PALLD: variants seen among roughly 807,000 people sequenced by gnomAD.
PALLD encodes palladin, cytoskeletal associated protein.
In PALLD, 61 loss-of-function variants were observed where a neutral mutation model predicts 123.5. That is an observed-to-expected ratio of 0.49 (90% CI 0.40 to 0.61). PALLD has a LOEUF of 0.61. Among genes scored for constraint, PALLD ranks in the 20% least tolerant of loss-of-function variants. PALLD has a pLI of 0.00. For missense variants in PALLD, 1,273 were observed against 1,377.0 expected (o/e 0.92, Z 1.20); for synonymous variants, 465 against 496.4 (o/e 0.94, Z 0.84).
intron 19 of PALLD, 112 bp from the exon 20 acceptor site, chr4:168,924,833 T>TA: frequency 9.5e-7 from 1 of 1,050,616 alleles, no homozygotes; most frequent in South Asian, 1.3e-5. Flanking sequence ...ATGACCCTAT[T>TA]ATCAGCTACT....
intron 4 of PALLD, among the ~76,000 whole-genome samples, chr4:168,682,539 A>G (rs1781646110): frequency 1.3e-5 from 2 of 152,216 alleles, no homozygotes; most frequent in South Asian, 4.1e-4. Context: ...ACAAAATTAG[A>G]AACCAGAAAA....
intron 2 of PALLD, among the ~76,000 whole-genome samples, chr4:168,639,826 G>A (rs866952969): frequency 6.6e-6 from 1 of 152,140 alleles, no homozygotes; most frequent in Non-Finnish European, 1.5e-5. Context: ...TTATAGGCGT[G>A]AGCCACCGTG....
intron 10 of PALLD, among the ~76,000 whole-genome samples, chr4:168,784,842 C>G (rs1736456141): frequency 1.3e-5 from 2 of 152,012 alleles, no homozygotes; most frequent in African/African-American, 4.8e-5. Flanking sequence ...CTTGAGCAGA[C>G]TCTGCAGAGC....
At chr4:168,596,815 G>A (rs1772032560) in intron 2 of PALLD, among the ~76,000 whole-genome samples, 1 of 151,506 alleles carries the variant, frequency 6.6e-6, no homozygotes, top group South Asian at 2.1e-4. Context: ...CTTGGAGAAA[G>A]TAAGCCAAAA....
chr4:168,849,559 G>T (rs189054852), intron 10 of PALLD, among the ~76,000 whole-genome samples: 1 of 152,126 alleles, frequency 6.6e-6, no homozygotes, highest in Non-Finnish European at 1.5e-5. Context: ...TTGAATTCTC[G>T]ACTAGACTTT....
chr4:168,897,098 T>A lies in PALLD; in HGVS notation c.2250+499T>A, dbSNP rs116012674. On this transcript the variant is annotated intron_variant, in intron 13 of 21. Transcript: ENST00000505667. ...CACCCGCCTTGGCTTCCCAAAGCGC[T>A]GGGAATACGGCATGAGCCACAGTGC... Among the ~76,000 whole-genome samples the A allele has an allele frequency of 7.5e-3, 1,139 of 152,352 alleles. 17 individuals carry two copies. The highest frequency in any genetic ancestry group is 0.026 in the African/African-American group (1,063 of 41,574).
At chr4:168,705,293 G>A (rs1052043605) in intron 8 of PALLD, among the ~76,000 whole-genome samples, 1 of 152,158 alleles carries the variant, frequency 6.6e-6, no homozygotes, top group Non-Finnish European at 1.5e-5. Flanking sequence ...TCAAAGGCAG[G>A]AACCATTAAT....
chr4:168,800,150 T>G (rs1257103447), intron 10 of PALLD, among the ~76,000 whole-genome samples: 2 of 152,232 alleles, frequency 1.3e-5, no homozygotes, highest in Non-Finnish European at 2.9e-5. Context: ...TGCTAACTTT[T>G]ATGCTTCTGT....
chr4:168,634,256 A>G (rs1776115911), intron 2 of PALLD, among the ~76,000 whole-genome samples: 1 of 152,198 alleles, frequency 6.6e-6, no homozygotes, highest in Non-Finnish European at 1.5e-5. Flanking sequence ...ATAAAATGTA[A>G]TGACATAAAC....
chr4:168,824,422 C>T (rs1394440833), intron 10 of PALLD, among the ~76,000 whole-genome samples: 1 of 152,012 alleles, frequency 6.6e-6, no homozygotes, highest in Non-Finnish European at 1.5e-5. Flanking sequence ...AAAGAAATAG[C>T]CATTGGAAAA....
At chr4:168,863,876 T>C (rs1749874604) in intron 10 of PALLD, 1 of 152,186 alleles carries the variant, frequency 6.6e-6, no homozygotes, top group African/African-American at 2.4e-5. Context: ...ACAAAAATAC[T>C]TACTAATCTT....
chr4:168,662,224 C>T (rs543511753), intron 2 of PALLD, among the ~76,000 whole-genome samples: 4 of 152,118 alleles, frequency 2.6e-5, no homozygotes, highest in South Asian at 2.1e-4. Context: ...AATAAATGTC[C>T]GAGGGGGTTC....
At chr4:168,911,711 G>A (rs1758990418) in intron 15 of PALLD, among the ~76,000 whole-genome samples, 1 of 152,180 alleles carries the variant, frequency 6.6e-6, no homozygotes, top group East Asian at 1.9e-4. Context: ...TGTTTGCCAA[G>A]AGTTTAGCAT....
intron 2 of PALLD, among the ~76,000 whole-genome samples, chr4:168,564,981 T>A (rs1768224134): frequency 6.9e-6 from 1 of 144,916 alleles, no homozygotes. Flanking sequence ...TGCTTGAGCC[T>A]AGGAGACCAG....
chr4:168,644,364 C>T (rs898728637), intron 2 of PALLD, among the ~76,000 whole-genome samples: 3 of 152,144 alleles, frequency 2.0e-5, no homozygotes, highest in Non-Finnish European at 2.9e-5. Context: ...GCTGGGATTA[C>T]AGGCGTGAGC....
intron 10 of PALLD, among the ~76,000 whole-genome samples, chr4:168,799,642 G>T (rs1739028724): frequency 6.6e-6 from 1 of 152,180 alleles, no homozygotes; most frequent in Non-Finnish European, 1.5e-5. Context: ...CAAGATTTTT[G>T]TGTGTGTGCG....
intron 10 of PALLD, among the ~76,000 whole-genome samples, chr4:168,843,580 A>C (rs1014218387): frequency 1.3e-5 from 2 of 152,212 alleles, no homozygotes; most frequent in African/African-American, 4.8e-5. Context: ...TGATTTGCAC[A>C]GTAGTAATTG....
At chr4:168,713,577 C>G (rs1000612388) in intron 10 of PALLD, among the ~76,000 whole-genome samples, 1 of 152,148 alleles carries the variant, frequency 6.6e-6, no homozygotes, top group Admixed American at 6.5e-5. Flanking sequence ...TCAGGAGTTT[C>G]AACAGCTCTG....
In PALLD at chr4:168,654,266, T is replaced by A. The variant is rs1778342142; in HGVS notation, c.909-13924T>A. ...ACCATGTAATAGCTTTAGAGTTGTTTTTTTTGGGGAGGAGGGAAGGGGTGT... is the reference window on the plus strand; with the variant it reads ...ACCATGTAATAGCTTTAGAGTTGTTATTTTTGGGGAGGAGGGAAGGGGTGT... On this transcript the variant is annotated intron_variant, in intron 2 of 21. Transcript: ENST00000505667. 3.9e-5 allele frequency among the ~76,000 whole-genome samples: 6 copies of A among 152,184 alleles called. No homozygotes were observed. In the South Asian group the frequency reaches 6.2e-4, roughly 16 times the overall value.
Sources: gnomAD v4.1 joint callset for allele counts (sites outside exome capture counted in the v4.1 genomes callset) on GRCh38, gnomAD v4.1.1 for gene constraint, MANE v1.5 for transcripts, NCBI Gene and HGNC (gene_info 2026-07-23, HGNC 2026-07-21) for gene names.